ASPH: variants seen among roughly 807,000 people sequenced by gnomAD.
ASPH encodes the protein aspartate beta-hydroxylase, also known as aspartyl/asparaginyl beta-hydroxylase.
ASPH carries 100 observed loss-of-function variants against 118.4 expected under a neutral mutation model. The observed-to-expected ratio is 0.84, with a 90% CI of 0.72 to 1.00. ASPH has a LOEUF of 1.00. Ranked by LOEUF, ASPH falls within the 50% of genes least tolerant of loss-of-function variation. The pLI is 0.00. For missense variants in ASPH, 920 were observed against 919.5 expected (o/e 1.00, Z -0.01); for synonymous variants, 315 against 325.6 (o/e 0.97, Z 0.35).
At chr8:61,617,826 G>A (rs1479561294) in intron 14 of ASPH, among the ~76,000 whole-genome samples, 4 of 151,340 alleles carry the variant, frequency 2.6e-5, no homozygotes, top group Admixed American at 6.6e-5. Flanking sequence ...CCAGCTACTC[G>A]GGAGGCTGAG....
intron 20 of ASPH, among the ~76,000 whole-genome samples, chr8:61,549,613 G>T (rs1220354907): frequency 2.0e-5 from 3 of 152,060 alleles, no homozygotes. Context: ...ATGGCTAATT[G>T]TTATCTAATT....
In ASPH at chr8:61,579,638, G is replaced by T. The variant is rs115549807; in HGVS notation, c.1063-2780C>A. 5.2e-4 allele frequency: 788 copies of T among 1,509,592 alleles called. 3 individuals carry two copies. In the African/African-American group the frequency reaches 9.3e-3, roughly 18 times the overall value. The allele number at this position is 1,509,592 out of a possible 1,614,324, so 93.5% of individuals were successfully genotyped here. ...AGATCGAGACATGTGATGGGAAGCT[G>T]GTGTCCGAGTCCTCTGACATCCTGC... is the stretch of plus-strand genomic sequence containing the variant. On this transcript the variant is annotated intron_variant, in intron 15 of 24. Coordinates refer to ENST00000379454, the MANE Select transcript of ASPH (RefSeq NM_004318.4).
intron 14 of ASPH, among the ~76,000 whole-genome samples, chr8:61,592,096 C>T (rs528272501): frequency 2.6e-5 from 4 of 152,126 alleles, no homozygotes; most frequent in East Asian, 1.9e-4. Flanking sequence ...GCTTCAGTTC[C>T]GCTACTTCTG....
At chr8:61,533,376 AT>A (rs1180779991) in intron 21 of ASPH, among the ~76,000 whole-genome samples, 1 of 152,000 alleles carries the variant, frequency 6.6e-6, no homozygotes, top group Non-Finnish European at 1.5e-5. Context: ...ATCTTCTCTT[AT>A]TGCTCTGAGT....
chr8:61,572,542 C>A (rs1317719227), intron 16 of ASPH, among the ~76,000 whole-genome samples: 1 of 152,204 alleles, frequency 6.6e-6, no homozygotes, highest in African/African-American at 2.4e-5. Flanking sequence ...CTCCACTCAG[C>A]TGGCCGAACC....
At chr8:61,608,448 T>C (rs1158311358) in intron 14 of ASPH, among the ~76,000 whole-genome samples, 2 of 152,226 alleles carry the variant, frequency 1.3e-5, no homozygotes, top group Non-Finnish European at 2.9e-5. Context: ...TCAGTACAGC[T>C]AGGTTTGCTT....
At position 61,643,440 on chromosome 8, in the gene ASPH, A is replaced by C. The variant is rs1457736130; in HGVS notation, c.710-7T>G. On this transcript the variant is annotated splice_polypyrimidine_tract_variant and splice_region_variant and intron_variant, in intron 8 of 24. Coordinates refer to ENST00000379454, the MANE Select transcript of ASPH (RefSeq NM_004318.4). ...ACTACTGGTTCACTGGAATCTAAAA[A>C]ACAAAAACACACCTTTGCCAAACAG... 1.2e-6 allele frequency: 2 copies of C among 1,602,710 alleles called. No homozygotes were observed. The highest frequency in any genetic ancestry group is 1.7e-6 in the Non-Finnish European group (2 of 1,179,514).
intron 21 of ASPH, among the ~76,000 whole-genome samples, chr8:61,539,699 G>GGTGGGTGTGTGTGTGTGTGTGTGTGT (rs1554618409): frequency 1.6e-5 from 2 of 124,306 alleles, no homozygotes; most frequent in East Asian, 2.3e-4. Flanking sequence ...ACACTTCTGG[G>GGTGGGTGTGTGTGTGTGTGTGTGTGT]GTGTGTGTGT....
intron 3 of ASPH, chr8:61,675,848 C>T: frequency 7.5e-7 from 1 of 1,330,366 alleles, no homozygotes; most frequent in African/African-American, 1.5e-5. Context: ...TACTTTGTAG[C>T]TGACTACAAG....
chr8:61,632,708 A>G (rs1437255529), intron 13 of ASPH: 1 of 460,188 alleles, frequency 2.2e-6, no homozygotes. Context: ...CAGGACAACT[A>G]TCAAAACCTA....
intron 2 of ASPH, among the ~76,000 whole-genome samples, chr8:61,682,279 CA>C (rs1828463864): frequency 6.6e-6 from 1 of 151,934 alleles, no homozygotes; most frequent in Non-Finnish European, 1.5e-5. Flanking sequence ...ATTCAAGAAA[CA>C]GTAAAAGATA....
chr8:61,692,074 C>T (rs776176655), intron 1 of ASPH, among the ~76,000 whole-genome samples: 3 of 152,210 alleles, frequency 2.0e-5, no homozygotes, highest in Non-Finnish European at 4.4e-5. Context: ...TTCTCCTTGA[C>T]AAATCTTTAT....
intron 16 of ASPH, among the ~76,000 whole-genome samples, chr8:61,570,960 A>G (rs1299712733): frequency 6.6e-6 from 1 of 152,232 alleles, no homozygotes; most frequent in Non-Finnish European, 1.5e-5. Flanking sequence ...AAAAGACAAT[A>G]TCAGTGCTAC....
At chr8:61,564,218 T>C (rs927317403) in intron 17 of ASPH, among the ~76,000 whole-genome samples, 1 of 152,036 alleles carries the variant, frequency 6.6e-6, no homozygotes, top group Admixed American at 6.5e-5. Flanking sequence ...GTTAACACTT[T>C]AGTGACAGAA....
chr8:61,563,624 T>C (rs1213410620), intron 17 of ASPH, among the ~76,000 whole-genome samples: 2 of 152,154 alleles, frequency 1.3e-5, no homozygotes, highest in African/African-American at 2.4e-5. Context: ...AGCTGTATAT[T>C]CCACTGCCAA....
At chr8:61,612,190 T>C (rs1329211128) in intron 14 of ASPH, among the ~76,000 whole-genome samples, 1 of 151,796 alleles carries the variant, frequency 6.6e-6, no homozygotes, top group African/African-American at 2.4e-5. Flanking sequence ...AATAGTGAAA[T>C]GGAAACTACA....
intron 17 of ASPH, 149 bp downstream of exon 17, chr8:61,567,019 T>C (rs551540972): frequency 3.2e-6 from 3 of 928,180 alleles, no homozygotes; most frequent in African/African-American, 3.4e-5. Flanking sequence ...TTAGAGATGG[T>C]GAGCCTAGGA....
chr8:61,569,603 A>G lies in ASPH; in HGVS notation c.1150-2285T>C, dbSNP rs762149635. Among the ~76,000 whole-genome samples, 56 of 152,142 alleles carry G rather than the reference A, an allele frequency of 3.7e-4. 1 individual carries two copies. The highest frequency in any genetic ancestry group is 6.5e-4 in the Admixed American group (10 of 15,284). ...TTTTTTTTCACAAAATAAGACATCA[A>G]TGAAATAACTTGATAATATGAACTG... On this transcript the variant is annotated intron_variant, in intron 16 of 24. Transcript: ENST00000379454.
intron 21 of ASPH, among the ~76,000 whole-genome samples, chr8:61,547,445 C>T (rs2130859996): frequency 6.6e-6 from 1 of 152,304 alleles, no homozygotes; most frequent in Non-Finnish European, 1.5e-5. Flanking sequence ...AAGATCAAAA[C>T]TACTTTCTTA....
Sources: gnomAD v4.1 joint callset for allele counts (sites outside exome capture counted in the v4.1 genomes callset) on GRCh38, gnomAD v4.1.1 for gene constraint, MANE v1.5 for transcripts, NCBI Gene and HGNC (gene_info 2026-07-23, HGNC 2026-07-21) for gene names.